Variants in GRIP1 observed in about 807,000 individuals in gnomAD.
The protein encoded by GRIP1 is glutamate receptor interacting protein 1, also known as glutamate receptor-interacting protein 1.
GRIP1 carries 45 observed loss-of-function variants against 129.9 expected under a neutral mutation model. That is an observed-to-expected ratio of 0.35 (90% CI 0.27 to 0.44). GRIP1 has a LOEUF of 0.44. Ranked by LOEUF, GRIP1 falls within the 20% of genes least tolerant of loss-of-function variation. The pLI, the probability that GRIP1 is intolerant of heterozygous loss-of-function variation, is 1.00. For missense variants in GRIP1, 1,196 were observed against 1,396.8 expected, an observed-to-expected ratio of 0.86 and a Z score of 2.29; for synonymous variants, 530 against 520.8, an observed-to-expected ratio of 1.02 and a Z score of -0.24.
At chr12:66,937,647 T>C (rs1351161700) in intron 1 of GRIP1, among the ~76,000 whole-genome samples, 2 of 152,108 alleles carry the variant, frequency 1.3e-5, no homozygotes, top group African/African-American at 4.8e-5. Flanking sequence ...GAGGAAAGAA[T>C]TATGGGGCTT....
chr12:66,833,057 T>A (rs952886969), intron 1 of GRIP1, among the ~76,000 whole-genome samples: 28 of 152,280 alleles, frequency 1.8e-4, no homozygotes, highest in African/African-American at 6.5e-4. Context: ...AATCTAATCC[T>A]AGAATTACCA....
At chr12:66,410,399 A>T (rs1308441697) in intron 15 of GRIP1, among the ~76,000 whole-genome samples, 1 of 150,820 alleles carries the variant, frequency 6.6e-6, no homozygotes, top group African/African-American at 2.4e-5. Flanking sequence ...TGGGAGGCCG[A>T]GGTGGGCAGA....
intron 1 of GRIP1, among the ~76,000 whole-genome samples, chr12:67,045,231 T>G (rs987632382): frequency 5.3e-5 from 8 of 152,086 alleles, no homozygotes; most frequent in African/African-American, 1.9e-4. Flanking sequence ...AATGAAGTAA[T>G]TAGTCAGCAA....
At chr12:66,801,980 T>TGTA (rs2038871797) in intron 1 of GRIP1, among the ~76,000 whole-genome samples, 1 of 152,144 alleles carries the variant, frequency 6.6e-6, no homozygotes, top group African/African-American at 2.4e-5. Context: ...GCAACCATAT[T>TGTA]ACCCATTTGA....
chr12:66,385,945 CT>C (rs2056339800), intron 19 of GRIP1, among the ~76,000 whole-genome samples: 1 of 152,084 alleles, frequency 6.6e-6, no homozygotes, highest in Non-Finnish European at 1.5e-5. Flanking sequence ...TTCTTCTTTC[CT>C]TCTTTATTTT....
chr12:66,897,255 C>T (rs57069333), intron 1 of GRIP1, among the ~76,000 whole-genome samples: 1 of 152,248 alleles, frequency 6.6e-6, no homozygotes, highest in East Asian at 1.9e-4. Context: ...GCTATAAGCG[C>T]TCACTGAAAG....
chr12:66,495,801 A>G (rs1438788605), intron 7 of GRIP1, among the ~76,000 whole-genome samples: 1 of 152,186 alleles, frequency 6.6e-6, no homozygotes, highest in East Asian at 1.9e-4. Context: ...AACTCAACAG[A>G]TGCACTGGAG....
intron 1 of GRIP1, among the ~76,000 whole-genome samples, chr12:66,825,639 T>C (rs887381622): frequency 1.3e-5 from 2 of 152,194 alleles, no homozygotes; most frequent in Non-Finnish European, 2.9e-5. Flanking sequence ...CAGGATTAAA[T>C]GAATGTACAG....
chr12:66,768,998 C>A (rs965003358), intron 1 of GRIP1, among the ~76,000 whole-genome samples: 1 of 152,204 alleles, frequency 6.6e-6, no homozygotes, highest in African/African-American at 2.4e-5. Flanking sequence ...AACAGCACTT[C>A]GCCTCCCTAA....
intron 1 of GRIP1, among the ~76,000 whole-genome samples, chr12:66,772,479 G>A (rs1008394212): frequency 4.1e-4 from 62 of 152,306 alleles, no homozygotes; most frequent in Non-Finnish European, 2.1e-4. Context: ...CATCAATCCT[G>A]TTGGTGCCAA....
chr12:66,358,321 G>A (rs1163928998), intron 23 of GRIP1, among the ~76,000 whole-genome samples: 4 of 152,234 alleles, frequency 2.6e-5, no homozygotes, highest in South Asian at 2.1e-4. Context: ...GGTTTTGGTC[G>A]CTTCTTTACT....
intron 1 of GRIP1, among the ~76,000 whole-genome samples, chr12:66,906,383 G>A (rs1420309552): frequency 6.6e-6 from 1 of 152,124 alleles, no homozygotes; most frequent in Non-Finnish European, 1.5e-5. Context: ...GAAGAGTTGT[G>A]AGTGCACCAC....
intron 1 of GRIP1, among the ~76,000 whole-genome samples, chr12:66,884,520 G>A (rs529960182): frequency 1.1e-3 from 171 of 152,316 alleles, no homozygotes; most frequent in African/African-American, 3.1e-3. Flanking sequence ...AATGGAGGAT[G>A]CAGCTTAAGA....
At chr12:66,624,774 T>C (rs1427655119) in intron 1 of GRIP1, among the ~76,000 whole-genome samples, 2 of 152,198 alleles carry the variant, frequency 1.3e-5, no homozygotes, top group African/African-American at 4.8e-5. Context: ...AGTACATTTT[T>C]CTATCAGGAT....
At chr12:66,737,577 A>G (rs2036647065) in intron 1 of GRIP1, among the ~76,000 whole-genome samples, 1 of 152,070 alleles carries the variant, frequency 6.6e-6, no homozygotes, top group Non-Finnish European at 1.5e-5. Context: ...CTCACCTCAG[A>G]AAGTCATCTC....
chr12:66,390,533 T>C (rs2056542697), intron 19 of GRIP1, among the ~76,000 whole-genome samples: 1 of 152,196 alleles, frequency 6.6e-6, no homozygotes, highest in Non-Finnish European at 1.5e-5. Flanking sequence ...CATCTTTTAC[T>C]AGTGAGGGGC....
intron 1 of GRIP1, among the ~76,000 whole-genome samples, chr12:66,715,471 T>TGTGTGTGTGAGA (rs761155485): frequency 2.7e-4 from 30 of 110,138 alleles, no homozygotes; most frequent in African/African-American, 5.7e-4. Flanking sequence ...TGTGTGTGTG[T>TGTGTGTGTGAGA]GAGAGAGAGA....
intron 2 of GRIP1, among the ~76,000 whole-genome samples, chr12:66,583,850 C>G (rs1170100041): frequency 7.5e-6 from 1 of 134,190 alleles, no homozygotes; most frequent in Non-Finnish European, 1.6e-5. Context: ...GTCAGTGTGG[C>G]GATTCCTCAG....
intron 2 of GRIP1, among the ~76,000 whole-genome samples, chr12:66,589,560 T>G (rs2063778259): frequency 6.6e-6 from 1 of 152,184 alleles, no homozygotes; most frequent in African/African-American, 2.4e-5. Flanking sequence ...GCAAGATGAT[T>G]TAAGGTGACA....
Sources: gnomAD v4.1 joint callset for allele counts (sites outside exome capture counted in the v4.1 genomes callset) on GRCh38, gnomAD v4.1.1 for gene constraint, MANE v1.5 for transcripts, NCBI Gene and HGNC (gene_info 2026-07-23, HGNC 2026-07-21) for gene names.